The following DLST variants were observed in gnomAD, a reference collection of about 807,000 sequenced individuals.
The protein encoded by DLST is dihydrolipoamide S-succinyltransferase, also known as dihydrolipoyllysine-residue succinyltransferase component of 2-oxoglutarate dehydrogenase complex, mitochondrial.
A neutral mutation model predicts 53.1 loss-of-function variants in DLST; 17 were observed. The ratio of observed to expected loss-of-function variants is 0.32; its 90% CI spans 0.22 to 0.48. DLST has a LOEUF of 0.48. DLST is among the 20% of genes least tolerant of loss of function. The probability of loss-of-function intolerance (pLI) is 0.99; values close to 1 mark genes in which losing one functional copy is unlikely to be tolerated. For missense variants in DLST, 512 were observed against 583.9 expected (o/e 0.88, Z 1.27); for synonymous variants, 206 against 204.8 (o/e 1.01, Z -0.05).
At chr14:74,889,811 T>G in intron 5 of DLST, 86 bp from the exon 6 acceptor site, 1 of 1,381,066 alleles carries the variant, frequency 7.2e-7, no homozygotes, top group Non-Finnish European at 1.0e-6. Flanking sequence ...AAAGGGTTCT[T>G]ATAACATACC....
chr14:74,892,368 C>G (rs1472684335), intron 7 of DLST, among the ~76,000 whole-genome samples: 92 of 152,084 alleles, frequency 6.0e-4, no homozygotes, highest in Non-Finnish European at 1.3e-4. Flanking sequence ...GGCCTGTAAT[C>G]CTGGGATTAC....
In DLST at chr14:74,901,159, A is replaced by G. The variant is rs1456314583; in HGVS notation, c.1153A>G (p.Ile385Val). Residue 385 changes from isoleucine to valine, a missense_variant, in exon 14 of 15, where the codon ATT becomes GTT. Ile to Val is a conservative substitution (Grantham distance 29). Around this residue, in one of 4 missense-constraint regions of DLST, gnomAD observed 186 missense variants for 260.4 expected, o/e 0.71. Coordinates refer to ENST00000334220, the MANE Select transcript of DLST (RefSeq NM_001933.5). ...GVFGSLFGTPIINPPQSAILG... is the reference protein window; with the variant it reads ...GVFGSLFGTPVINPPQSAILG... The stretch of plus-strand genomic sequence containing the variant: ...TTTTGGCTCGCTCTTTGGAACACCC[A>G]TTATCAACCCCCCTCAGTCTGCCAT... The G allele has an allele frequency of 1.9e-6, 3 of 1,614,120 alleles. No individual in the cohort carries two copies. The highest frequency in any genetic ancestry group is 1.7e-6 in the Non-Finnish European group (2 of 1,180,012).
At position 74,889,271 on chromosome 14, in the gene DLST, C is replaced by G. The variant is rs1883814687; in HGVS notation, c.200-4C>G. 17 of 1,612,100 alleles carry G rather than the reference C, an allele frequency of 1.1e-5. No individual in the cohort carries two copies. The Admixed American group carries it at 1.2e-4, about 11-fold the overall frequency. ...TATGATTTTCTTTTTTGCATTTTTC[C>G]TAGAGGATGACTTGGTTACAGTCAA... On this transcript the variant is annotated splice_polypyrimidine_tract_variant and splice_region_variant and intron_variant, in intron 4 of 14. Coordinates refer to ENST00000334220, the MANE Select transcript of DLST (RefSeq NM_001933.5).
chr14:74,885,837 T>G (rs1883684777), intron 3 of DLST: 2 of 541,224 alleles, frequency 3.7e-6, no homozygotes, highest in East Asian at 6.5e-5. Context: ...GGTTTTGGAC[T>G]GGGAGTGTGC....
chr14:74,885,452 A>G, intron 2 of DLST, 134 bp from the exon 3 acceptor site: 3 of 928,242 alleles, frequency 3.2e-6, no homozygotes, highest in South Asian at 1.4e-5. Flanking sequence ...GCAGGACTCT[A>G]TGATAAAGAT....
chr14:74,894,594 G>A lies in DLST; in HGVS notation c.770+185G>A, dbSNP rs528598457. Among the ~76,000 whole-genome samples the A allele has an allele frequency of 3.3e-5, 5 of 152,248 alleles. No individual in the cohort carries two copies. In the East Asian group the frequency reaches 7.7e-4, roughly 24 times the overall value. On this transcript the variant is annotated intron_variant, in intron 10 of 14. Coordinates refer to ENST00000334220, the MANE Select transcript of DLST (RefSeq NM_001933.5). ...ATGGAGTCTCGCTGTCTCCCAGGCT[G>A]GAGTGCAGTGGCATGATCTCGGCTC...
Position 74,898,502 on chromosome 14 carries a change from G to C in DLST, c.901+3G>C, listed in dbSNP as rs1211717066. 3 of 1,613,866 alleles carry C rather than the reference G, an allele frequency of 1.9e-6. No homozygotes were observed. Among genetic ancestry groups the C allele is most frequent in the Non-Finnish European group, 2.5e-6 (3 of 1,179,922 alleles). ...GGAACAGCCTGTTGTAAATGCAGGT[G>C]AGTTGCTTGTGGCTGGAATTGGAGA... is the stretch of plus-strand genomic sequence containing the variant. On this transcript the variant is annotated splice_donor_region_variant and intron_variant, in intron 11 of 14. Coordinates refer to ENST00000334220, the MANE Select transcript of DLST (RefSeq NM_001933.5).
At chr14:74,882,694 G>A (rs1883568351) in intron 2 of DLST, 70 bp downstream of exon 2, 3 of 1,424,596 alleles carry the variant, frequency 2.1e-6, no homozygotes, top group African/African-American at 1.4e-5. Flanking sequence ...GGAACTCGGG[G>A]GTGCCTGTGT....
Position 74,882,617 on chromosome 14 carries a change from C to T in DLST, c.90C>T (p.Ser30=). The change falls in exon 2 of 15, where the codon TCC becomes TCT. Residue 30 remains serine, a synonymous_variant. Transcript: ENST00000334220. ...QKGNCPLGRR[S]LPGVSLCQGP... is the part of the protein sequence containing the mutation. ...GGAACTGCCCTCTAGGGAGACGTTC[C>T]CTGCCTGGTAAGTTCTGCCCTTACC... is the stretch of plus-strand genomic sequence containing the variant. The T allele has an allele frequency of 6.2e-7, 1 of 1,613,872 alleles. No homozygotes were observed.
intron 3 of DLST, among the ~76,000 whole-genome samples, chr14:74,887,011 G>A (rs1883727670): frequency 6.6e-6 from 1 of 152,088 alleles, no homozygotes; most frequent in South Asian, 2.1e-4. Flanking sequence ...AAAGTGCTGG[G>A]ATTACAAGCA....
In DLST at chr14:74,901,230, C is replaced by T. The variant is rs1215231337; in HGVS notation, c.1224C>T (p.Gly408=). ...GIFDRPVAIG[G]KVEVRPMMYV... ...TTGACAGGCCAGTGGCTATAGGAGG[C>T]AAGGTAGGAACCGTCACTTCTAAGG... The change falls in exon 14 of 15, where the codon GGC becomes GGT. Residue 408 remains glycine, a synonymous_variant. Coordinates refer to ENST00000334220, the MANE Select transcript of DLST (RefSeq NM_001933.5). The T allele has an allele frequency of 6.2e-7, 1 of 1,613,842 alleles. No homozygotes were observed. Among genetic ancestry groups the T allele is most frequent in the Admixed American group, 1.7e-5 (1 of 59,960 alleles).
chr14:74,889,857 C>A (rs147181228), intron 5 of DLST, 40 bp from the exon 6 acceptor site: 1 of 1,606,496 alleles, frequency 6.2e-7, no homozygotes, highest in Non-Finnish European at 8.5e-7. Context: ...GGAGGCTCCC[C>A]GCTAACAGGT....
intron 7 of DLST, chr14:74,891,675 T>C (rs1883912403): frequency 1.0e-6 from 1 of 984,050 alleles, no homozygotes; most frequent in African/African-American, 1.8e-5. Context: ...GTACTGGACC[T>C]GATAGGATTA....
At chr14:74,883,513 TTTATCC>T (rs1566787995) in intron 2 of DLST, among the ~76,000 whole-genome samples, 3 of 152,094 alleles carry the variant, frequency 2.0e-5, no homozygotes, top group Non-Finnish European at 2.9e-5. Context: ...GAGTTTAGAT[TTTATCC>T]TAGCAGTTAA....
Position 74,889,889 on chromosome 14 carries a change from C to T in DLST, c.275-8C>T. 1 of 1,613,818 alleles carries T rather than the reference C, an allele frequency of 6.2e-7. No homozygotes were observed. The highest frequency in any genetic ancestry group is 1.1e-5 in the South Asian group (1 of 91,038). On this transcript the variant is annotated splice_polypyrimidine_tract_variant and splice_region_variant and intron_variant, in intron 5 of 14. Coordinates refer to ENST00000334220, the MANE Select transcript of DLST (RefSeq NM_001933.5). Reference sequence around the variant, plus strand: ...AGGTAGCCTTGTAGCCTTTGATTGTCTTTTCAGCTGTTGGAGACACAGTTG... The same window carrying T: ...AGGTAGCCTTGTAGCCTTTGATTGTTTTTTCAGCTGTTGGAGACACAGTTG...
chr14:74,888,742 C>G (rs1883793356), intron 3 of DLST, among the ~76,000 whole-genome samples: 1 of 152,112 alleles, frequency 6.6e-6, no homozygotes, highest in South Asian at 2.1e-4. Flanking sequence ...GAAGCTAAGT[C>G]ATTTCGGTCT....
rs1419966854 is a variant in DLST, at chr14:74,882,030, G to A, written c.63+14G>A. On this transcript the variant is annotated intron_variant, in intron 1 of 14. Coordinates refer to ENST00000334220, the MANE Select transcript of DLST (RefSeq NM_001933.5). ...GCCTTCCAGAAGGTACGGTCTGGCC[G>A]AGCCGGGGCCCCGACGGGTGAGGAG... The A allele has an allele frequency of 3.9e-6, 6 of 1,545,460 alleles. No individual in the cohort carries two copies. The highest frequency in any genetic ancestry group is 5.2e-6 in the Non-Finnish European group (6 of 1,154,968).
Position 74,902,347 on chromosome 14 carries a change from C to G in DLST, c.*17C>G. 6.3e-7 allele frequency: 1 copy of G among 1,597,164 alleles called. No individual in the cohort carries two copies. The highest frequency in any genetic ancestry group is 8.6e-7 in the Non-Finnish European group (1 of 1,168,630). ...GATCTTTAGGAGGAACCCACACACC[C>G]TACAAGTTGATCATGCAGGAACTGA... On this transcript the variant is annotated 3_prime_UTR_variant, in exon 15 of 15. Transcript: ENST00000334220.
chr14:74,889,193 C>A lies in DLST; in HGVS notation c.199+46C>A, dbSNP rs1255943245. ...GAATGGAATTTTATGGGAAGAGCAA[C>A]AATTGATTGAGTTTAATTAAAGAAA... On this transcript the variant is annotated intron_variant, in intron 4 of 14. Coordinates refer to ENST00000334220, the MANE Select transcript of DLST (RefSeq NM_001933.5). 19 of 1,609,242 alleles carry A rather than the reference C, an allele frequency of 1.2e-5. No individual in the cohort carries two copies. The Middle Eastern group carries it at 4.9e-4, about 42-fold the overall frequency.
Sources: allele counts gnomAD v4.1 joint callset (sites outside exome capture counted in the v4.1 genomes callset), GRCh38; gene constraint gnomAD v4.1.1; regional missense constraint gnomAD v4.1.1; transcripts MANE v1.5; gene names NCBI Gene and HGNC (gene_info 2026-07-23, HGNC 2026-07-21).